Variants in PLCB1 observed in about 807,000 individuals in gnomAD.
PLCB1 encodes the protein phospholipase C beta 1.
A neutral mutation model predicts 161.8 loss-of-function variants in PLCB1; 46 were observed. The observed-to-expected ratio is 0.28, with a 90% CI of 0.22 to 0.36. The LOEUF is 0.36. Ranked by LOEUF, PLCB1 falls within the 10% of genes least tolerant of loss-of-function variation. The pLI, the probability that PLCB1 is intolerant of heterozygous loss-of-function variation, is 1.00. For missense variants in PLCB1, 1,016 were observed against 1,472.5 expected, an observed-to-expected ratio of 0.69 and a Z score of 5.07; for synonymous variants, 517 against 503.7, an observed-to-expected ratio of 1.03 and a Z score of -0.35.
At chr20:8,861,554 A>G (rs1028022368) in intron 31 of PLCB1, among the ~76,000 whole-genome samples, 19 of 152,228 alleles carry the variant, frequency 1.2e-4, no homozygotes, top group African/African-American at 4.3e-4. Flanking sequence ...ACATGGTGAA[A>G]CCCCGTCTCT....
chr20:8,841,806 T>C (rs992746567), intron 31 of PLCB1, among the ~76,000 whole-genome samples: 67 of 152,366 alleles, frequency 4.4e-4, no homozygotes, highest in African/African-American at 1.6e-3. Flanking sequence ...CTCAATGGAC[T>C]CTGAGCGCAT....
chr20:8,741,007 A>G (rs1442392617), intron 22 of PLCB1, among the ~76,000 whole-genome samples: 1 of 152,228 alleles, frequency 6.6e-6, no homozygotes, highest in Admixed American at 6.5e-5. Flanking sequence ...TCATTGGGTT[A>G]TCCCAACAGT....
intron 23 of PLCB1, 143 bp from the exon 24 acceptor site, chr20:8,756,903 C>A (rs991565966): frequency 9.0e-6 from 7 of 780,516 alleles, no homozygotes; most frequent in Middle Eastern, 3.7e-4. Flanking sequence ...TGTTTTAACC[C>A]TGCTTTCCAG....
intron 27 of PLCB1, among the ~76,000 whole-genome samples, chr20:8,779,244 G>A (rs1197085741): frequency 6.6e-6 from 1 of 151,964 alleles, no homozygotes; most frequent in African/African-American, 2.4e-5. Context: ...TGAAAACTTA[G>A]TATTTGCACA....
intron 9 of PLCB1, among the ~76,000 whole-genome samples, chr20:8,658,990 T>A (rs1218306912): frequency 6.6e-6 from 1 of 152,206 alleles, no homozygotes; most frequent in African/African-American, 2.4e-5. Flanking sequence ...AATGCATATT[T>A]CATACAGGAA....
chr20:8,329,887 A>C (rs1335197012), intron 2 of PLCB1, among the ~76,000 whole-genome samples: 1 of 152,176 alleles, frequency 6.6e-6, no homozygotes, highest in East Asian at 1.9e-4. Flanking sequence ...GAACTCTCCT[A>C]CACAGTAGAA....
At chr20:8,463,009 A>G (rs1222336204) in intron 3 of PLCB1, among the ~76,000 whole-genome samples, 1 of 151,976 alleles carries the variant, frequency 6.6e-6, no homozygotes, top group Non-Finnish European at 1.5e-5. Context: ...ATTTTATTCC[A>G]GTTTGTTCAT....
chr20:8,697,922 AAAT>A, intron 11 of PLCB1, 139 bp downstream of exon 11: 1 of 695,346 alleles, frequency 1.4e-6, no homozygotes. Context: ...TCAGAGGCTA[AAAT>A]TTGGCTGTTT....
At chr20:8,829,968 A>C (rs188650166) in intron 31 of PLCB1, among the ~76,000 whole-genome samples, 194 of 152,332 alleles carry the variant, frequency 1.3e-3, no homozygotes, top group Non-Finnish European at 2.2e-3. Context: ...TAATTGCTTC[A>C]GATTGTCTAC....
chr20:8,223,162 C>T (rs1979503828), intron 2 of PLCB1, among the ~76,000 whole-genome samples: 1 of 152,150 alleles, frequency 6.6e-6, no homozygotes, highest in African/African-American at 2.4e-5. Context: ...GACCTGGTTG[C>T]ATTTCTATTA....
intron 27 of PLCB1, among the ~76,000 whole-genome samples, chr20:8,779,831 A>T (rs539121156): frequency 3.2e-4 from 48 of 152,232 alleles, no homozygotes; most frequent in Non-Finnish European, 1.2e-4. Flanking sequence ...ACAGCTTGTC[A>T]TCAAGTTGAG....
chr20:8,595,007 A>G (rs1987282713), intron 3 of PLCB1, among the ~76,000 whole-genome samples: 1 of 152,236 alleles, frequency 6.6e-6, no homozygotes, highest in East Asian at 1.9e-4. Flanking sequence ...TTTTCATTCA[A>G]AAGTATATAT....
intron 3 of PLCB1, among the ~76,000 whole-genome samples, chr20:8,550,679 C>G (rs769558605): frequency 6.6e-6 from 1 of 152,132 alleles, no homozygotes; most frequent in Non-Finnish European, 1.5e-5. Flanking sequence ...ATCACAGTAC[C>G]CTGAATATGT....
At chr20:8,315,963 A>G (rs1480370014) in intron 2 of PLCB1, among the ~76,000 whole-genome samples, 3 of 152,214 alleles carry the variant, frequency 2.0e-5, no homozygotes, top group Non-Finnish European at 2.9e-5. Context: ...ATGCAATCTT[A>G]ACTAAATCTG....
intron 12 of PLCB1, 138 bp from the exon 13 acceptor site, chr20:8,716,126 C>T: frequency 1.5e-6 from 1 of 649,968 alleles, no homozygotes. Context: ...AGATAAAGAT[C>T]CAGGATGATA....
At chr20:8,198,656 T>C (rs910508622) in intron 2 of PLCB1, among the ~76,000 whole-genome samples, 2 of 151,920 alleles carry the variant, frequency 1.3e-5, no homozygotes, top group Non-Finnish European at 2.9e-5. Context: ...ATTTCTTTTC[T>C]TTTTTTTATA....
At chr20:8,753,312 AT>A (rs1293332732) in intron 23 of PLCB1, among the ~76,000 whole-genome samples, 1 of 152,108 alleles carries the variant, frequency 6.6e-6, no homozygotes, top group Non-Finnish European at 1.5e-5. Flanking sequence ...CATCCCCTCA[AT>A]AACCTCCTCT....
At chr20:8,749,972 A>T (rs1242218557) in intron 23 of PLCB1, among the ~76,000 whole-genome samples, 1 of 152,156 alleles carries the variant, frequency 6.6e-6, no homozygotes, top group East Asian at 1.9e-4. Flanking sequence ...TTTTAAAAAA[A>T]CCCAACTATG....
chr20:8,784,532 C>A (rs936289609), intron 27 of PLCB1, among the ~76,000 whole-genome samples: 5 of 148,552 alleles, frequency 3.4e-5, no homozygotes, highest in Non-Finnish European at 7.4e-5. Flanking sequence ...CACTGCACTG[C>A]AGCCTGGGCA....
Sources: allele counts gnomAD v4.1 joint callset (sites outside exome capture counted in the v4.1 genomes callset), GRCh38; gene constraint gnomAD v4.1.1; transcripts MANE v1.5; gene names NCBI Gene and HGNC (gene_info 2026-07-23, HGNC 2026-07-21).